Variants in LINGO2 observed in about 807,000 individuals in gnomAD.
LINGO2 encodes leucine rich repeat and Ig domain containing 2, also known as leucine-rich repeat and immunoglobulin-like domain-containing nogo receptor-interacting protein 2.
Under a neutral mutation model 30.6 loss-of-function variants are expected in LINGO2, and 14 were observed. That is an observed-to-expected ratio of 0.46 (90% CI 0.30 to 0.72). LINGO2 has a LOEUF of 0.72. Among genes scored for constraint, LINGO2 ranks in the 30% least tolerant of loss-of-function variants. LINGO2 has a pLI of 0.07. For synonymous variants in LINGO2, 317 were observed against 288.5 expected, an observed-to-expected ratio of 1.10 and a Z score of -1.00; for missense variants, 729 against 751.7, an observed-to-expected ratio of 0.97 and a Z score of 0.35.
At chr9:28,210,190 C>T (rs1385351125) in intron 4 of LINGO2, among the ~76,000 whole-genome samples, 1 of 151,534 alleles carries the variant, frequency 6.6e-6, no homozygotes, top group Non-Finnish European at 1.5e-5. Context: ...TTGGAGGTGG[C>T]TACAGCTCTA....
chr9:29,101,250 T>C, the LINGO2 span, among the ~76,000 whole-genome samples: 1 of 152,146 alleles, frequency 6.6e-6, no homozygotes, highest in Non-Finnish European at 1.5e-5. Context: ...AAGGAACTCC[T>C]AGGTCTGACA....
the LINGO2 span, among the ~76,000 whole-genome samples, chr9:28,800,659 C>A: frequency 6.6e-6 from 1 of 151,926 alleles, no homozygotes; most frequent in African/African-American, 2.4e-5. Context: ...AGTTAACATC[C>A]CCACTAAGCA....
intron 3 of LINGO2, among the ~76,000 whole-genome samples, chr9:28,338,978 A>G (rs1225510456): frequency 6.6e-6 from 1 of 152,168 alleles, no homozygotes; most frequent in African/African-American, 2.4e-5. Context: ...GCCAGATGGG[A>G]GTAAACTCAT....
At chr9:28,797,359 T>TATATATATATATAG in the LINGO2 span, among the ~76,000 whole-genome samples, 26 of 34,208 alleles carry the variant, frequency 7.6e-4, no homozygotes, top group Non-Finnish European at 1.2e-3. Context: ...TATATATATA[T>TATATATATATATAG]AGAGAGAGAG....
the LINGO2 span, chr9:27,941,783 C>T: frequency 6.6e-6 from 1 of 152,308 alleles, no homozygotes; most frequent in South Asian, 2.1e-4. Flanking sequence ...TTCATTTCCT[C>T]TTTAACACTA....
intron 1 of LINGO2, among the ~76,000 whole-genome samples, chr9:28,570,067 G>A (rs1823604242): frequency 6.6e-6 from 1 of 151,750 alleles, no homozygotes; most frequent in Non-Finnish European, 1.5e-5. Context: ...ATTAACCAAG[G>A]GAAGGCTACA....
chr9:28,820,079 C>T, the LINGO2 span, among the ~76,000 whole-genome samples: 5 of 152,104 alleles, frequency 3.3e-5, no homozygotes, highest in Non-Finnish European at 5.9e-5. Context: ...TAATTTATCA[C>T]TCATTTTAAC....
In LINGO2 at chr9:28,412,961, G is replaced by A. The variant is rs2026966; in HGVS notation, c.-278-40093C>T. Among the ~76,000 whole-genome samples the A allele has an allele frequency of 7.4e-4, 113 of 152,006 alleles. 1 individual carries two copies. The highest frequency in any genetic ancestry group is 2.4e-3 in the African/African-American group (101 of 41,424). ...AGCCTACTCAGTGTGAAGATGATAA[G>A]GGTAAAGATCTTCATGATGATTCAA... On this transcript the variant is annotated intron_variant, in intron 2 of 5. Transcript: ENST00000379992.
At chr9:28,770,487 G>C in the LINGO2 span, among the ~76,000 whole-genome samples, 2 of 152,110 alleles carry the variant, frequency 1.3e-5, no homozygotes, top group Non-Finnish European at 2.9e-5. Flanking sequence ...TGTTTTCACT[G>C]TCTGGTTGCT....
chr9:28,224,266 G>T (rs558184823), intron 4 of LINGO2, among the ~76,000 whole-genome samples: 1 of 152,176 alleles, frequency 6.6e-6, no homozygotes, highest in Non-Finnish European at 1.5e-5. Flanking sequence ...GGGTTTCACC[G>T]TGTTAGCCAG....
At chr9:28,188,711 T>C (rs2133752933) in intron 4 of LINGO2, among the ~76,000 whole-genome samples, 1 of 152,224 alleles carries the variant, frequency 6.6e-6, no homozygotes. Flanking sequence ...CCAAGGAAAA[T>C]GCAGAAATGG....
chr9:29,064,407 CTT>C, the LINGO2 span, among the ~76,000 whole-genome samples: 2 of 151,854 alleles, frequency 1.3e-5, no homozygotes, highest in African/African-American at 2.4e-5. Flanking sequence ...AATAATTACT[CTT>C]ATATGATTAA....
At chr9:29,052,833 A>T in the LINGO2 span, among the ~76,000 whole-genome samples, 1 of 152,140 alleles carries the variant, frequency 6.6e-6, no homozygotes, top group African/African-American at 2.4e-5. Context: ...ACCAACCATT[A>T]GTTGGTCAAT....
In LINGO2 at chr9:27,961,958, T is replaced by C. The variant is rs12686359; in HGVS notation, c.-35-11252A>G. Reference sequence around the variant, plus strand: ...CTGAGATGGAGAATTTAAAGCAGCATGAGGAATTCCTGGTTTCCTCAAATG... The same window carrying C: ...CTGAGATGGAGAATTTAAAGCAGCACGAGGAATTCCTGGTTTCCTCAAATG... On this transcript the variant is annotated intron_variant, in intron 5 of 5. Coordinates refer to ENST00000379992, the Ensembl canonical transcript of LINGO2. Among the ~76,000 whole-genome samples, 1,418 of 152,268 alleles carry C rather than the reference T, an allele frequency of 9.3e-3. 116 individuals carry two copies. In the East Asian group the frequency reaches 0.18, roughly 20 times the overall value.
At chr9:28,183,994 C>T (rs1819451470) in intron 4 of LINGO2, among the ~76,000 whole-genome samples, 1 of 152,226 alleles carries the variant, frequency 6.6e-6, no homozygotes, top group African/African-American at 2.4e-5. Flanking sequence ...CCTCACAGCC[C>T]TTCTCAACAA....
the LINGO2 span, among the ~76,000 whole-genome samples, chr9:29,084,367 G>A: frequency 6.6e-6 from 1 of 152,186 alleles, no homozygotes; most frequent in African/African-American, 2.4e-5. Context: ...TGAACAGACA[G>A]TAAAAGGAAC....
intron 4 of LINGO2, among the ~76,000 whole-genome samples, chr9:28,141,179 G>A (rs1241618235): frequency 6.6e-6 from 1 of 152,160 alleles, no homozygotes; most frequent in Non-Finnish European, 1.5e-5. Context: ...CTGGAGTTGG[G>A]GAATAGAACA....
the LINGO2 span, among the ~76,000 whole-genome samples, chr9:29,162,806 G>C: frequency 1.3e-5 from 2 of 151,942 alleles, no homozygotes; most frequent in African/African-American, 4.8e-5. Flanking sequence ...AGTGCAGCTG[G>C]AGAAAAAAAT....
At chr9:28,634,675 G>A (rs540270755) in intron 1 of LINGO2, among the ~76,000 whole-genome samples, 12 of 151,792 alleles carry the variant, frequency 7.9e-5, no homozygotes, top group South Asian at 2.1e-4. Flanking sequence ...TGGTAGAAAC[G>A]GGGTTCCATC....
Sources: allele counts gnomAD v4.1 joint callset (sites outside exome capture counted in the v4.1 genomes callset), GRCh38; gene constraint gnomAD v4.1.1; transcripts MANE v1.5; gene names NCBI Gene and HGNC (gene_info 2026-07-23, HGNC 2026-07-21).